GABRA2: variants seen among roughly 807,000 people sequenced by gnomAD.
The protein encoded by GABRA2 is gamma-aminobutyric acid receptor subunit alpha-2.
A neutral mutation model predicts 48.7 loss-of-function variants in GABRA2; 16 were observed. The observed-to-expected ratio is 0.33, with a 90% CI of 0.22 to 0.50. The LOEUF is 0.50. Ranked by LOEUF, GABRA2 falls within the 20% of genes least tolerant of loss-of-function variation. The probability of loss-of-function intolerance (pLI) is 0.98; values close to 1 mark genes in which losing one functional copy is unlikely to be tolerated. For synonymous variants in GABRA2, 185 were observed against 184.5 expected (o/e 1.00, Z -0.02); for missense variants, 275 against 535.6 (o/e 0.51, Z 4.80).
chr4:46,270,275 C>T (rs1480572580), intron 8 of GABRA2, among the ~76,000 whole-genome samples: 2 of 151,878 alleles, frequency 1.3e-5, no homozygotes, highest in East Asian at 1.9e-4. Context: ...CCTGTCTTCC[C>T]TTTCTTTTTG....
chr4:46,277,452 T>C (rs1720713284), intron 8 of GABRA2, among the ~76,000 whole-genome samples: 1 of 152,128 alleles, frequency 6.6e-6, no homozygotes, highest in Admixed American at 6.6e-5. Context: ...CCTGTACAGG[T>C]TATGTACTCA....
intron 3 of GABRA2, among the ~76,000 whole-genome samples, chr4:46,336,050 C>T (rs971019876): frequency 1.3e-5 from 2 of 152,040 alleles, no homozygotes; most frequent in South Asian, 2.1e-4. Flanking sequence ...TTTGGTCTGT[C>T]TCCCCATCCA....
At position 46,246,176 on chromosome 4, in the gene GABRA2, A is replaced by T. The variant is rs767763102; in HGVS notation, c.*4132T>A. ...TAATTTATCTACTTTCTCGGAAGTT[A>T]AAAAGGGAAAAATGCTTCACTTGGT... is the stretch of plus-strand genomic sequence containing the variant. On this transcript the variant is annotated 3_prime_UTR_variant, in exon 10 of 10. Coordinates refer to ENST00000381620, the MANE Select transcript of GABRA2 (RefSeq NM_000807.4). Among the ~76,000 whole-genome samples, 121 of 151,090 alleles carry T rather than the reference A, an allele frequency of 8.0e-4. 1 individual carries two copies. The highest frequency in any genetic ancestry group is 3.2e-3 in the Middle Eastern group (1 of 316).
intron 3 of GABRA2, among the ~76,000 whole-genome samples, chr4:46,383,205 A>T (rs1310232890): frequency 2.0e-5 from 3 of 152,310 alleles, no homozygotes; most frequent in Admixed American, 2.0e-4. Context: ...TATATTTAAT[A>T]TTCATAAAAA....
chr4:46,321,966 A>G (rs1729527718), intron 4 of GABRA2, among the ~76,000 whole-genome samples: 2 of 151,986 alleles, frequency 1.3e-5, no homozygotes, highest in Admixed American at 6.6e-5. Context: ...AGAAGACATC[A>G]CAAGTATGCC....
At chr4:46,310,040 C>T (rs968133936) in intron 6 of GABRA2, 133 bp downstream of exon 6, 7 of 605,448 alleles carry the variant, frequency 1.2e-5, no homozygotes, top group African/African-American at 1.1e-4. Flanking sequence ...ATTAGCATGG[C>T]TTTTACTTCC....
chr4:46,386,066 A>AT lies in GABRA2; in HGVS notation c.187+7dup. 1.3e-6 allele frequency: 2 copies of AT among 1,551,334 alleles called. No homozygotes were observed. Among genetic ancestry groups the AT allele is most frequent in the East Asian group, 2.3e-5 (1 of 44,180 alleles). The stretch of plus-strand genomic sequence containing the variant: ...ACGAGAGTTTTAAAAGAGGAAAACT[A>AT]TTTTTACCTCCCAGTCCTGGTCTAA... On this transcript the variant is annotated splice_region_variant and intron_variant, in intron 3 of 9. Transcript: ENST00000381620.
chr4:46,336,749 T>G (rs531441104), intron 3 of GABRA2, among the ~76,000 whole-genome samples: 1 of 152,232 alleles, frequency 6.6e-6, no homozygotes, highest in East Asian at 1.9e-4. Flanking sequence ...GAACACATAA[T>G]GTATTCCTAA....
At chr4:46,291,774 C>CATATATATATATATAT (rs1415105864) in intron 8 of GABRA2, among the ~76,000 whole-genome samples, 4 of 107,872 alleles carry the variant, frequency 3.7e-5, no homozygotes, top group Non-Finnish European at 8.5e-5. Context: ...AATAAACACA[C>CATATATATATATATAT]ACATATATAT....
intron 8 of GABRA2, among the ~76,000 whole-genome samples, chr4:46,275,898 T>C (rs1300834772): frequency 6.6e-6 from 1 of 152,126 alleles, no homozygotes; most frequent in African/African-American, 2.4e-5. Flanking sequence ...AAGGATAGCT[T>C]TTATTATTTA....
intron 8 of GABRA2, among the ~76,000 whole-genome samples, chr4:46,295,324 T>G (rs1211570715): frequency 6.6e-6 from 1 of 152,208 alleles, no homozygotes; most frequent in Non-Finnish European, 1.5e-5. Flanking sequence ...GGCTGGATGG[T>G]CAAGGACTTG....
chr4:46,351,104 C>T (rs1445559840), intron 3 of GABRA2, among the ~76,000 whole-genome samples: 4 of 142,216 alleles, frequency 2.8e-5, no homozygotes, highest in South Asian at 2.4e-4. Flanking sequence ...TACATGGTCT[C>T]ATTGTTGGAG....
chr4:46,271,007 AT>A (rs1353951541), intron 8 of GABRA2, among the ~76,000 whole-genome samples: 3 of 151,618 alleles, frequency 2.0e-5, no homozygotes, highest in African/African-American at 4.8e-5. Context: ...AAAAAAAAAA[AT>A]ACTTCAATGC....
chr4:46,272,033 T>C (rs892212582), intron 8 of GABRA2, among the ~76,000 whole-genome samples: 2 of 151,970 alleles, frequency 1.3e-5, no homozygotes, highest in Admixed American at 1.3e-4. Flanking sequence ...AAATGTCAGG[T>C]ACTTTTGTAA....
At chr4:46,373,292 A>G (rs972153225) in intron 3 of GABRA2, among the ~76,000 whole-genome samples, 2 of 152,190 alleles carry the variant, frequency 1.3e-5, no homozygotes, top group African/African-American at 4.8e-5. Context: ...CCTCCCTGTT[A>G]AAGATATTAA....
chr4:46,299,672 T>A (rs1185994594), intron 8 of GABRA2, among the ~76,000 whole-genome samples: 2 of 112,228 alleles, frequency 1.8e-5, no homozygotes, highest in Non-Finnish European at 3.6e-5. Flanking sequence ...ATTGGGTTTC[T>A]TTCTTTTTTT....
At chr4:46,315,410 G>A (rs916538087) in intron 4 of GABRA2, among the ~76,000 whole-genome samples, 1 of 151,938 alleles carries the variant, frequency 6.6e-6, no homozygotes, top group Non-Finnish European at 1.5e-5. Context: ...AGGGCTCACA[G>A]TGTCCTAGGT....
chr4:46,389,277 C>T (rs1717911522), intron 1 of GABRA2: 1 of 985,304 alleles, frequency 1.0e-6, no homozygotes, highest in Non-Finnish European at 1.2e-6. Flanking sequence ...CTCCCCTTAA[C>T]AAAATAAAAT....
chr4:46,352,467 A>T (rs1421594560), intron 3 of GABRA2, among the ~76,000 whole-genome samples: 6 of 152,032 alleles, frequency 3.9e-5, no homozygotes, highest in Non-Finnish European at 7.4e-5. Flanking sequence ...TTCTTCTCTC[A>T]GTGTGAACGT....
Sources: allele counts gnomAD v4.1 joint callset (sites outside exome capture counted in the v4.1 genomes callset), GRCh38; gene constraint gnomAD v4.1.1; transcripts MANE v1.5; gene names NCBI Gene and HGNC (gene_info 2026-07-23, HGNC 2026-07-21).